Variants in GRM1 observed in about 807,000 individuals in gnomAD.
GRM1 encodes the protein metabotropic glutamate receptor 1.
GRM1 carries 33 observed loss-of-function variants against 90.9 expected under a neutral mutation model. The observed-to-expected ratio is 0.36, with a 90% CI of 0.28 to 0.49. The LOEUF (loss-of-function observed/expected upper bound fraction) is 0.49. GRM1 is among the 20% of genes least tolerant of loss of function. The pLI, the probability that GRM1 is intolerant of heterozygous loss-of-function variation, is 0.99. For missense variants in GRM1, 1,190 were observed against 1,534.3 expected (o/e 0.78, Z 3.75); for synonymous variants, 700 against 613.2 (o/e 1.14, Z -2.09).
In GRM1 at chr6:146,399,424, T is replaced by C. The variant is rs760114801; in HGVS notation, c.2385T>C (p.Cys795=). Reference sequence around the variant, plus strand: ...TCGCGTTCACCATGTACACCACCTGTATCATCTGGCTAGCTTTTGTGCCCA... The same window carrying C: ...TCGCGTTCACCATGTACACCACCTGCATCATCTGGCTAGCTTTTGTGCCCA... The part of the protein sequence containing the change: ...KYIAFTMYTT[C]IIWLAFVPIY... The change falls in exon 7 of 8, where the codon TGT becomes TGC. Residue 795 remains cysteine (C), a synonymous_variant. Transcript: ENST00000282753. This position sits in a 1 kb window ranked among gnomAD's most constrained non-coding sequence, Gnocchi z 5.4. The C allele has an allele frequency of 9.6e-5, 155 of 1,614,060 alleles. No homozygotes were observed. Among genetic ancestry groups the C allele is most frequent in the Non-Finnish European group, 1.3e-4 (152 of 1,180,044 alleles).
At chr6:146,299,771 T>A (rs1227437020) in intron 2 of GRM1, among the ~76,000 whole-genome samples, 2 of 152,174 alleles carry the variant, frequency 1.3e-5, no homozygotes, top group Non-Finnish European at 1.5e-5. Flanking sequence ...ATTTGCCCTG[T>A]AAACCCTGGC....
At chr6:146,356,850 A>G (rs1310739133) in intron 4 of GRM1, among the ~76,000 whole-genome samples, 1 of 152,326 alleles carries the variant, frequency 6.6e-6, no homozygotes, top group East Asian at 1.9e-4. Context: ...CTGTATGTAT[A>G]TAGTAATGAT....
At chr6:146,360,416 T>C (rs573782890) in intron 5 of GRM1, among the ~76,000 whole-genome samples, 1 of 152,284 alleles carries the variant, frequency 6.6e-6, no homozygotes, top group African/African-American at 2.4e-5. Context: ...TTTATTGTTG[T>C]GTGTAACCTT....
intron 2 of GRM1, among the ~76,000 whole-genome samples, chr6:146,201,917 G>T (rs191748325): frequency 8.5e-5 from 13 of 152,318 alleles, no homozygotes; most frequent in Admixed American, 8.5e-4. Flanking sequence ...GTGCAATGCT[G>T]CCATGTGGGC....
At chr6:146,076,014 T>A (rs958811893) in intron 1 of GRM1, among the ~76,000 whole-genome samples, 3 of 152,324 alleles carry the variant, frequency 2.0e-5, no homozygotes, top group Non-Finnish European at 2.9e-5. Flanking sequence ...TTGTTGAAGA[T>A]CAAACAATTG....
In GRM1 at chr6:146,091,427, G is replaced by A. The variant is rs189433415; in HGVS notation, c.700+61210G>A. Among the ~76,000 whole-genome samples the A allele has an allele frequency of 3.4e-4, 51 of 152,210 alleles. No homozygotes were observed. In the East Asian group the frequency reaches 9.7e-3, roughly 29 times the overall value. On this transcript the variant is annotated intron_variant, in intron 1 of 7. Transcript: ENST00000282753. ...GCTCTAATAGGGATTTAGGTGGAAG[G>A]TTGGGAACAGATGTGTGACATTGAA... is the stretch of plus-strand genomic sequence containing the variant.
chr6:146,125,383 T>C (rs1776158128), intron 1 of GRM1, among the ~76,000 whole-genome samples: 1 of 152,100 alleles, frequency 6.6e-6, no homozygotes, highest in African/African-American at 2.4e-5. Context: ...GTATAGCTGG[T>C]ATTTAGAACA....
intron 1 of GRM1, among the ~76,000 whole-genome samples, chr6:146,137,342 A>G (rs541443383): frequency 6.6e-6 from 1 of 152,234 alleles, no homozygotes; most frequent in African/African-American, 2.4e-5. Context: ...TGATTATTGT[A>G]TATGGCACAC....
At chr6:146,368,317 A>C (rs1775775090) in intron 5 of GRM1, among the ~76,000 whole-genome samples, 1 of 151,812 alleles carries the variant, frequency 6.6e-6, no homozygotes, top group Non-Finnish European at 1.5e-5. Flanking sequence ...TCATCTGCAA[A>C]CAAGTTCAAT....
intron 1 of GRM1, among the ~76,000 whole-genome samples, chr6:146,148,674 CA>C (rs1362880961): frequency 6.6e-6 from 1 of 152,106 alleles, no homozygotes; most frequent in African/African-American, 2.4e-5. Context: ...CATAATTTAA[CA>C]TACTTCATAG....
At chr6:146,420,073 T>A (rs531308567) in intron 7 of GRM1, among the ~76,000 whole-genome samples, 2 of 152,330 alleles carry the variant, frequency 1.3e-5, no homozygotes, top group Admixed American at 1.3e-4. Flanking sequence ...TTTGCTGATG[T>A]CTGCCATTGG....
intron 1 of GRM1, among the ~76,000 whole-genome samples, chr6:146,153,523 A>G (rs1215552425): frequency 6.6e-6 from 1 of 152,206 alleles, no homozygotes; most frequent in Non-Finnish European, 1.5e-5. Context: ...GAGTTTAAAC[A>G]TAGTCAAATA....
intron 1 of GRM1, among the ~76,000 whole-genome samples, chr6:146,031,587 C>T (rs1790710094): frequency 6.6e-6 from 1 of 152,142 alleles, no homozygotes; most frequent in African/African-American, 2.4e-5. Context: ...AAACTATCTG[C>T]TGTGATATTA....
At chr6:146,353,253 G>A (rs759406392) in intron 4 of GRM1, among the ~76,000 whole-genome samples, 1 of 152,126 alleles carries the variant, frequency 6.6e-6, no homozygotes, top group Non-Finnish European at 1.5e-5. Flanking sequence ...CTTAGGAAAG[G>A]CATAATCAGA....
chr6:146,036,965 A>C (rs941410532), intron 1 of GRM1, among the ~76,000 whole-genome samples: 4 of 151,972 alleles, frequency 2.6e-5, no homozygotes, highest in African/African-American at 9.7e-5. Flanking sequence ...AGACATGTAA[A>C]TATATAGACA....
chr6:146,294,366 C>T (rs1783101985), intron 2 of GRM1, among the ~76,000 whole-genome samples: 1 of 151,662 alleles, frequency 6.6e-6, no homozygotes, highest in Non-Finnish European at 1.5e-5. Flanking sequence ...TTTTTAGTTT[C>T]CAAGTAGTTG....
At chr6:146,239,319 TTAGGCTG>T (rs1208238350) in intron 2 of GRM1, among the ~76,000 whole-genome samples, 2 of 152,144 alleles carry the variant, frequency 1.3e-5, no homozygotes, top group African/African-American at 4.8e-5. Context: ...CACTAATATT[TTAGGCTG>T]TAGGTCATGG....
chr6:146,115,254 AT>A (rs1775700490), intron 1 of GRM1, among the ~76,000 whole-genome samples: 1 of 151,928 alleles, frequency 6.6e-6, no homozygotes, highest in Non-Finnish European at 1.5e-5. Flanking sequence ...ACACATATAT[AT>A]ACATATACTA....
chr6:146,397,650 G>C (rs1185521078), intron 6 of GRM1, among the ~76,000 whole-genome samples: 1 of 152,086 alleles, frequency 6.6e-6, no homozygotes, highest in Non-Finnish European at 1.5e-5. Context: ...CAGCTTCTGA[G>C]AGCTGGTTGA....
Sources: allele counts gnomAD v4.1 joint callset (sites outside exome capture counted in the v4.1 genomes callset), GRCh38; gene constraint gnomAD v4.1.1; non-coding constraint Gnocchi (gnomAD v3.1); transcripts MANE v1.5; gene names NCBI Gene and HGNC (gene_info 2026-07-23, HGNC 2026-07-21).